HS2ST1: variants seen among roughly 807,000 people sequenced by gnomAD.
The protein encoded by HS2ST1 is 2-O-sulfotransferase.
HS2ST1 carries 18 observed loss-of-function variants against 42.9 expected under a neutral mutation model. The observed-to-expected ratio is 0.42, with a 90% CI of 0.29 to 0.62. The LOEUF is 0.62. Ranked by LOEUF, HS2ST1 falls within the 20% of genes least tolerant of loss-of-function variation. The pLI is 0.21. For missense variants in HS2ST1, 334 were observed against 433.8 expected, an observed-to-expected ratio of 0.77 and a Z score of 2.04; for synonymous variants, 146 against 152.9, an observed-to-expected ratio of 0.95 and a Z score of 0.33.
chr1:87,041,580 A>G (rs1035582120), intron 1 of HS2ST1, among the ~76,000 whole-genome samples: 4 of 152,152 alleles, frequency 2.6e-5, no homozygotes, highest in Admixed American at 2.6e-4. Flanking sequence ...CTTTATACAC[A>G]TTAACAGCAA....
At chr1:87,089,063 G>A (rs1651878580) in intron 3 of HS2ST1, among the ~76,000 whole-genome samples, 1 of 151,970 alleles carries the variant, frequency 6.6e-6, no homozygotes, top group Non-Finnish European at 1.5e-5. Context: ...CCTCTTTCAG[G>A]TTCATCACCT....
chr1:86,929,469 A>T (rs1248611933), intron 1 of HS2ST1, among the ~76,000 whole-genome samples: 2 of 151,826 alleles, frequency 1.3e-5, no homozygotes, highest in African/African-American at 4.8e-5. Context: ...CTTAAAGTAG[A>T]AATCTATTTG....
intron 1 of HS2ST1, among the ~76,000 whole-genome samples, chr1:87,061,030 A>AAT (rs1651107184): frequency 6.6e-6 from 1 of 152,158 alleles, no homozygotes; most frequent in African/African-American, 2.4e-5. Flanking sequence ...TCAGAATGTT[A>AAT]AGGATTAACA....
intron 1 of HS2ST1, among the ~76,000 whole-genome samples, chr1:86,961,928 T>C (rs999990604): frequency 2.6e-5 from 4 of 152,184 alleles, no homozygotes; most frequent in South Asian, 2.1e-4. Context: ...ATCCAAGTTA[T>C]AGTATATATA....
At chr1:87,038,457 A>C (rs1248973636) in intron 1 of HS2ST1, among the ~76,000 whole-genome samples, 1 of 152,152 alleles carries the variant, frequency 6.6e-6, no homozygotes, top group African/African-American at 2.4e-5. Flanking sequence ...TTCAAAATTA[A>C]ATGTCAAATG....
intron 1 of HS2ST1, among the ~76,000 whole-genome samples, chr1:87,031,359 A>C (rs1261427360): frequency 1.3e-5 from 2 of 152,162 alleles, no homozygotes; most frequent in Non-Finnish European, 2.9e-5. Flanking sequence ...TCAGATATAC[A>C]TGTTTTCTAA....
chr1:86,961,126 A>G (rs1647831732), intron 1 of HS2ST1, among the ~76,000 whole-genome samples: 1 of 119,454 alleles, frequency 8.4e-6, no homozygotes, highest in Non-Finnish European at 1.8e-5. Context: ...AAAGACATGC[A>G]CAGAGTCTAT....
At chr1:86,944,420 T>C (rs1647268710) in intron 1 of HS2ST1, among the ~76,000 whole-genome samples, 1 of 152,172 alleles carries the variant, frequency 6.6e-6, no homozygotes, top group African/African-American at 2.4e-5. Flanking sequence ...AGTGGCGTGA[T>C]CTTGACTTAC....
intron 1 of HS2ST1, among the ~76,000 whole-genome samples, chr1:87,009,526 G>A (rs76529741): frequency 6.5e-4 from 99 of 152,248 alleles, no homozygotes; most frequent in East Asian, 2.9e-3. Flanking sequence ...TATTGCTTAC[G>A]ATATTGGACA....
intron 1 of HS2ST1, among the ~76,000 whole-genome samples, chr1:87,017,111 T>C (rs1012905418): frequency 6.6e-6 from 1 of 152,104 alleles, no homozygotes; most frequent in African/African-American, 2.4e-5. Context: ...AAAATTTGTG[T>C]CTAGTGTAGC....
chr1:87,052,442 A>G (rs1194535781), intron 1 of HS2ST1, among the ~76,000 whole-genome samples: 1 of 152,214 alleles, frequency 6.6e-6, no homozygotes, highest in Non-Finnish European at 1.5e-5. Flanking sequence ...TTGTACCCCA[A>G]AAATGGTTTC....
At chr1:86,974,369 A>G (rs934351458) in intron 1 of HS2ST1, among the ~76,000 whole-genome samples, 7 of 152,184 alleles carry the variant, frequency 4.6e-5, no homozygotes, top group South Asian at 2.1e-4. Flanking sequence ...CAGAGAGGCC[A>G]TGGGAGTTCT....
chr1:86,915,417 G>T (rs1375290310), intron 1 of HS2ST1, among the ~76,000 whole-genome samples: 2 of 152,214 alleles, frequency 1.3e-5, no homozygotes, highest in East Asian at 3.9e-4. Context: ...GGGTAGCCCC[G>T]AAGTAGGCAT....
chr1:87,059,943 A>G (rs939185712), intron 1 of HS2ST1, among the ~76,000 whole-genome samples: 5 of 152,168 alleles, frequency 3.3e-5, no homozygotes, highest in Non-Finnish European at 5.9e-5. Context: ...CTTAGGCCCT[A>G]TATTGGACCT....
chr1:87,026,230 C>G (rs1271402761), intron 1 of HS2ST1, among the ~76,000 whole-genome samples: 1 of 152,180 alleles, frequency 6.6e-6, no homozygotes, highest in Non-Finnish European at 1.5e-5. Flanking sequence ...TTATTGGCCC[C>G]TTCCTTCACT....
chr1:87,100,872 G>A (rs1218216885), intron 5 of HS2ST1, among the ~76,000 whole-genome samples: 2 of 152,114 alleles, frequency 1.3e-5, no homozygotes, highest in Non-Finnish European at 2.9e-5. Context: ...AGTGAGCCAA[G>A]ATCCAGCCTG....
At position 87,092,661 on chromosome 1, in the gene HS2ST1, G is replaced by A. The variant is rs1292243528; in HGVS notation, c.580G>A (p.Asp194Asn). 1.3e-6 allele frequency: 2 copies of A among 1,525,574 alleles called. No individual in the cohort carries two copies. The highest frequency in any genetic ancestry group is 2.5e-5 in the East Asian group (1 of 39,984). The allele number at this position is 1,525,574 out of a possible 1,614,324, so 94.5% of individuals were successfully genotyped here. A position where few individuals can be genotyped will look rare whatever the true frequency, so the allele number is the denominator to read the frequency against. ...RPGLRRRKQG[D>N]KKTFDECVAE... The stretch of plus-strand genomic sequence containing the variant: ...AGGGTTACGGAGACGAAAACAAGGA[G>A]ACAAAAAGGTAATATTTTAGTTTTA... The change falls in exon 4 of 7, where the codon GAC becomes AAC. Residue 194 changes from aspartate to asparagine, a missense_variant. Physicochemically the swap from Asp to Asn is conservative, Grantham distance 23. Coordinates refer to ENST00000370550, the MANE Select transcript of HS2ST1 (RefSeq NM_012262.4).
rs558689543 is a variant in HS2ST1 at position 87,101,462 on chromosome 1, G to A, written c.687-1970G>A. Among the ~76,000 whole-genome samples the A allele has an allele frequency of 1.1e-4, 17 of 152,106 alleles. No homozygotes were observed. In the South Asian group the frequency reaches 2.3e-3, roughly 20 times the overall value. On this transcript the variant is annotated intron_variant, in intron 5 of 6. Transcript: ENST00000370550. ...ATTACAGGTGTGAGCCACCGCACCC[G>A]ACCAGTCATCACTCTAAGTTCAAAC...
In HS2ST1 at chr1:87,016,942, T is replaced by C. The variant is rs1649776392; in HGVS notation, c.125-55992T>C. Among the ~76,000 whole-genome samples, 2 of 152,028 alleles carry C rather than the reference T, an allele frequency of 1.3e-5. 1 individual carries two copies. The highest frequency in any genetic ancestry group is 4.1e-4 in the South Asian group (2 of 4,822). On this transcript the variant is annotated intron_variant, in intron 1 of 6. Transcript: ENST00000370550. Reference sequence around the variant, plus strand: ...TTAAAAGGAACTTGGTTGTTACATATGATATGTTATCTTTAGGGTGCCTTA... The same window carrying C: ...TTAAAAGGAACTTGGTTGTTACATACGATATGTTATCTTTAGGGTGCCTTA...
Sources: allele counts gnomAD v4.1 joint callset (sites outside exome capture counted in the v4.1 genomes callset), GRCh38; gene constraint gnomAD v4.1.1; transcripts MANE v1.5; gene names NCBI Gene and HGNC (gene_info 2026-07-23, HGNC 2026-07-21).